Variants in GFRA2 observed in about 807,000 individuals in gnomAD.
GFRA2 encodes the protein GDNF family receptor alpha 2, also known as GDNF family receptor alpha-2.
Under a neutral mutation model 48.3 loss-of-function variants are expected in GFRA2, and 17 were observed. The observed-to-expected ratio is 0.35, with a 90% CI of 0.24 to 0.53. The LOEUF (loss-of-function observed/expected upper bound fraction) is 0.53, where lower values mean the gene tolerates loss of function less well. Among genes scored for constraint, GFRA2 ranks in the 20% least tolerant of loss-of-function variants. GFRA2 has a pLI of 0.93. For missense variants in GFRA2, 660 were observed against 637.3 expected (o/e 1.04, Z -0.38); for synonymous variants, 305 against 257.2 (o/e 1.19, Z -1.78).
chr8:21,723,665 C>G (rs1018054592), intron 4 of GFRA2, among the ~76,000 whole-genome samples: 4 of 152,136 alleles, frequency 2.6e-5, no homozygotes, highest in South Asian at 2.1e-4. Flanking sequence ...CCCTCCACCC[C>G]GCAGGGTCCA....
Position 21,750,107 on chromosome 8 carries a change from A to ACACACACACACACACG in GFRA2, c.794+480_794+481insCGTGTGTGTGTGTGTG, listed in dbSNP as rs201515239. 2.8e-4 allele frequency among the ~76,000 whole-genome samples: 42 copies of ACACACACACACACACG among 150,756 alleles called. No individual in the cohort carries two copies. The highest frequency in any genetic ancestry group is 9.3e-4 in the African/African-American group (38 of 40,948). On this transcript the variant is annotated intron_variant, in intron 4 of 8. Transcript: ENST00000524240. This position sits in a 1 kb window ranked among gnomAD's most constrained non-coding sequence, Gnocchi z 5.7. ...TGTGTATACACACACACACACACAC[A>ACACACACACACACACG]CACGCACATATATAGGTAGAGACTG... is the stretch of plus-strand genomic sequence containing the variant.
In GFRA2 at chr8:21,796,907, C is replaced by T. The variant is rs758504176; in HGVS notation, c.-36+8110G>A. 4.6e-5 allele frequency among the ~76,000 whole-genome samples: 7 copies of T among 152,200 alleles called. No individual in the cohort carries two copies. In the East Asian group the frequency reaches 1.2e-3, roughly 25 times the overall value. ...CAAGTGCACGGCCTTCAACAGCCTTCGGTGCTTTTTTCTGCAAGTTTGCCT... is the reference window on the plus strand; with the variant it reads ...CAAGTGCACGGCCTTCAACAGCCTTTGGTGCTTTTTTCTGCAAGTTTGCCT... On this transcript the variant is annotated intron_variant, in intron 2 of 10. Coordinates refer to the GFRA2 transcript ENST00000517328.
chr8:21,701,062 C>T (rs1802448647), intron 7 of GFRA2, among the ~76,000 whole-genome samples: 1 of 152,192 alleles, frequency 6.6e-6, no homozygotes, highest in Non-Finnish European at 1.5e-5. Flanking sequence ...CTTATTCACT[C>T]GACACTTCCA....
chr8:21,809,331 T>C (rs1807932914), intron 1 of GFRA2, among the ~76,000 whole-genome samples: 2 of 152,156 alleles, frequency 1.3e-5, no homozygotes, highest in South Asian at 2.1e-4. Flanking sequence ...TCTCTGTTTG[T>C]TTTTGTTTTG....
intron 1 of GFRA2, among the ~76,000 whole-genome samples, chr8:21,787,265 G>GA (rs1241088587): frequency 6.7e-6 from 1 of 149,438 alleles, no homozygotes; most frequent in South Asian, 2.1e-4. Flanking sequence ...GGAGGCGGCG[G>GA]GGGGGGCAGT....
intron 6 of GFRA2, 46 bp downstream of exon 6, chr8:21,704,938 AG>A: frequency 8.0e-7 from 1 of 1,256,280 alleles, no homozygotes; most frequent in Non-Finnish European, 1.1e-6. Flanking sequence ...AGACTCCAGG[AG>A]GGGTGGGAGG....
chr8:21,739,646 C>A (rs1202150220), intron 4 of GFRA2, among the ~76,000 whole-genome samples: 1 of 152,090 alleles, frequency 6.6e-6, no homozygotes, highest in Non-Finnish European at 1.5e-5. Flanking sequence ...AGAAGGAGAG[C>A]AGGGCTGCCT....
chr8:21,781,655 A>AC (rs112353213), intron 2 of GFRA2, among the ~76,000 whole-genome samples: 4,423 of 151,160 alleles, frequency 0.029, 213 homozygotes, highest in African/African-American at 0.1. Context: ...ATTTATCCGC[A>AC]CCTCCCCAGA....
chr8:21,730,394 A>C (rs1804126402), intron 4 of GFRA2, among the ~76,000 whole-genome samples: 2 of 110,190 alleles, frequency 1.8e-5, no homozygotes, highest in African/African-American at 2.7e-5. Flanking sequence ...CAAGAGCAAA[A>C]CTCTGTCTCA....
chr8:21,754,467 C>T (rs1805454663), intron 3 of GFRA2, among the ~76,000 whole-genome samples: 1 of 152,016 alleles, frequency 6.6e-6, no homozygotes, highest in African/African-American at 2.4e-5. Context: ...AAGCCATTCA[C>T]CCAACACTTT....
At chr8:21,716,256 G>A (rs572511964) in intron 4 of GFRA2, among the ~76,000 whole-genome samples, 1 of 151,128 alleles carries the variant, frequency 6.6e-6, no homozygotes, top group Non-Finnish European at 1.5e-5. Flanking sequence ...CTGGGATGCA[G>A]AGGTTGCAGT....
chr8:21,778,709 A>G (rs1364621204), intron 2 of GFRA2, among the ~76,000 whole-genome samples: 1 of 152,152 alleles, frequency 6.6e-6, no homozygotes, highest in Non-Finnish European at 1.5e-5. Context: ...TGGGCAATAT[A>G]GCAAGACCCC....
intron 4 of GFRA2, among the ~76,000 whole-genome samples, chr8:21,723,847 G>A (rs554282499): frequency 1.4e-4 from 21 of 152,296 alleles, no homozygotes; most frequent in South Asian, 2.1e-4. Context: ...CTTGTGCAGC[G>A]GGCATCTGGG....
chr8:21,714,767 A>G (rs963139331), intron 4 of GFRA2, among the ~76,000 whole-genome samples: 15 of 152,184 alleles, frequency 9.9e-5, no homozygotes, highest in African/African-American at 3.1e-4. Flanking sequence ...CAGTCACACA[A>G]CCTGCAGCCA....
intron 2 of GFRA2, among the ~76,000 whole-genome samples, chr8:21,793,895 G>A (rs7813446): frequency 0.3 from 43,255 of 144,814 alleles, 6,791 homozygotes; most frequent in East Asian, 0.4. Flanking sequence ...AGACAGTCTC[G>A]CTCTGTCACC....
intron 3 of GFRA2, among the ~76,000 whole-genome samples, chr8:21,751,303 A>C (rs1408064200): frequency 6.6e-6 from 1 of 152,206 alleles, no homozygotes; most frequent in Non-Finnish European, 1.5e-5. Flanking sequence ...TGACTGGCTC[A>C]GCGTCATACA....
chr8:21,792,797 G>C (rs1170079595), upstream of GFRA2, among the ~76,000 whole-genome samples: 1 of 152,224 alleles, frequency 6.6e-6, no homozygotes, highest in Non-Finnish European at 1.5e-5. Context: ...GGGTGTGGTG[G>C]CTCATGCCTA....
chr8:21,730,364 T>C (rs1389918187), intron 4 of GFRA2, among the ~76,000 whole-genome samples: 1 of 151,598 alleles, frequency 6.6e-6, no homozygotes, highest in African/African-American at 2.4e-5. Context: ...GATAGTGCCA[T>C]TGCATTCCAG....
intron 2 of GFRA2, among the ~76,000 whole-genome samples, chr8:21,799,139 G>T (rs919610176): frequency 2.0e-5 from 3 of 152,186 alleles, no homozygotes; most frequent in Non-Finnish European, 2.9e-5. Context: ...AGTCACTAGG[G>T]TCTAACTGAC....
Sources: gnomAD v4.1 joint callset for allele counts (sites outside exome capture counted in the v4.1 genomes callset) on GRCh38, gnomAD v4.1.1 for gene constraint, Gnocchi (gnomAD v3.1) non-coding constraint, MANE v1.5 for transcripts, NCBI Gene and HGNC (gene_info 2026-07-23, HGNC 2026-07-21) for gene names.